Variants in MLIP observed in about 807,000 individuals in gnomAD.
MLIP encodes muscular LMNA interacting protein.
A neutral mutation model predicts 84.8 loss-of-function variants in MLIP; 79 were observed. The ratio of observed to expected loss-of-function variants is 0.93; its 90% CI spans 0.78 to 1.12. The LOEUF (loss-of-function observed/expected upper bound fraction) is 1.12, where lower values mean the gene tolerates loss of function less well. Ranked by LOEUF, MLIP falls within the 50% of genes most tolerant of loss-of-function variation. The pLI is 0.00. For missense variants in MLIP, 1,257 were observed against 1,160.6 expected (o/e 1.08, Z -1.21); for synonymous variants, 504 against 463.0 (o/e 1.09, Z -1.14).
chr6:54,088,842 GAATA>G (rs1216511836), intron 1 of MLIP, among the ~76,000 whole-genome samples: 3 of 152,226 alleles, frequency 2.0e-5, no homozygotes, highest in Middle Eastern at 6.8e-3. Flanking sequence ...GCATGATAAT[GAATA>G]AATAAATTAA....
rs545533167 is a variant in MLIP at position 54,032,201 on chromosome 6, T to A, written c.63+13110T>A. Among the ~76,000 whole-genome samples the A allele has an allele frequency of 2.4e-4, 36 of 152,166 alleles. 1 individual carries two copies. Among genetic ancestry groups the A allele is most frequent in the Middle Eastern group, 3.2e-3 (1 of 316 alleles). ...TGAGAGGTTATATTTACAATTCCCT[T>A]GTGAAAATTAAGTAATATAAAAATG... On this transcript the variant is annotated intron_variant, in intron 1 of 12. Coordinates refer to the MLIP transcript ENST00000274897.
chr6:54,078,387 C>T (rs1032399127), intron 1 of MLIP, among the ~76,000 whole-genome samples: 3 of 152,130 alleles, frequency 2.0e-5, no homozygotes, highest in Non-Finnish European at 2.9e-5. Context: ...AGCCCAAGAG[C>T]TCAAGACCAG....
Position 54,034,985 on chromosome 6 carries a change from G to A in MLIP, c.63+15894G>A, listed in dbSNP as rs115477299. 4.0e-3 allele frequency among the ~76,000 whole-genome samples: 608 copies of A among 152,124 alleles called. 3 individuals carry two copies. Among genetic ancestry groups the A allele is most frequent in the African/African-American group, 0.014 (581 of 41,514 alleles). ...TTTAGATACACAAATATATACCATT[G>A]TGTTACAGTTGCCTATAGTATTCAG... On this transcript the variant is annotated intron_variant, in intron 1 of 12. Coordinates refer to the MLIP transcript ENST00000274897.
At chr6:54,110,003 G>C (rs1188620719), upstream of MLIP, among the ~76,000 whole-genome samples, 1 of 27,658 alleles carries the variant, frequency 3.6e-5, no homozygotes, top group Non-Finnish European at 6.7e-5. Flanking sequence ...TTTTTTTTTT[G>C]ACGGAGTCTC....
chr6:54,208,539 T>C (rs1479292958), intron 11 of MLIP, among the ~76,000 whole-genome samples: 1 of 152,224 alleles, frequency 6.6e-6, no homozygotes, highest in African/African-American at 2.4e-5. Context: ...TGATCTATAA[T>C]TGTGCCATTT....
chr6:54,084,424 C>T (rs1767356712), intron 1 of MLIP, among the ~76,000 whole-genome samples: 1 of 152,122 alleles, frequency 6.6e-6, no homozygotes, highest in Non-Finnish European at 1.5e-5. Context: ...AACGTTCCTG[C>T]AACTTTTATT....
At chr6:54,119,126 T>A (rs1001065875) in intron 1 of MLIP, among the ~76,000 whole-genome samples, 1 of 152,230 alleles carries the variant, frequency 6.6e-6, no homozygotes, top group African/African-American at 2.4e-5. Flanking sequence ...GTGGAAACGG[T>A]ATGGAGGTTC....
chr6:54,173,553 C>T (rs1010916775), intron 9 of MLIP, among the ~76,000 whole-genome samples: 4 of 151,558 alleles, frequency 2.6e-5, no homozygotes, highest in African/African-American at 9.7e-5. Context: ...TTATTTCCTT[C>T]GTGTAAATAA....
chr6:54,077,932 C>A (rs1177633926), intron 1 of MLIP, among the ~76,000 whole-genome samples: 1 of 152,060 alleles, frequency 6.6e-6, no homozygotes, highest in African/African-American at 2.4e-5. Flanking sequence ...GCTTTACATG[C>A]CGGTCAAAAT....
intron 1 of MLIP, among the ~76,000 whole-genome samples, chr6:54,101,021 AAC>A (rs1768604803): frequency 6.6e-6 from 1 of 152,200 alleles, no homozygotes; most frequent in South Asian, 2.1e-4. Context: ...CATTCAAAAC[AAC>A]ACTTTGGTCT....
At chr6:54,061,225 G>A (rs188668871) in intron 1 of MLIP, among the ~76,000 whole-genome samples, 12 of 152,138 alleles carry the variant, frequency 7.9e-5, no homozygotes, top group African/African-American at 2.6e-4. Context: ...AACACAATTC[G>A]CTCAGGAAGG....
chr6:54,075,490 AAT>A (rs1402525759), intron 1 of MLIP, among the ~76,000 whole-genome samples: 11 of 152,312 alleles, frequency 7.2e-5, no homozygotes, highest in African/African-American at 2.4e-4. Flanking sequence ...ATAGGTTGCT[AAT>A]ATATGAGTCT....
chr6:54,022,239 G>C (rs867529372), intron 1 of MLIP, among the ~76,000 whole-genome samples: 3 of 152,256 alleles, frequency 2.0e-5, no homozygotes, highest in African/African-American at 4.8e-5. Flanking sequence ...TTGGAGACTC[G>C]TATCTGTATT....
chr6:54,028,080 A>G (rs1308657829), intron 1 of MLIP, among the ~76,000 whole-genome samples: 2 of 152,160 alleles, frequency 1.3e-5, no homozygotes, highest in African/African-American at 4.8e-5. Context: ...TTAGAGAATC[A>G]TTTGCTTTAT....
At position 54,202,428 on chromosome 6, in the gene MLIP, T is replaced by C. The variant is rs373594032; in HGVS notation, c.2718+195T>C. 2.8e-3 allele frequency among the ~76,000 whole-genome samples: 425 copies of C among 151,180 alleles called. 7 individuals are homozygous for C. The highest frequency in any genetic ancestry group is 0.022 in the South Asian group (104 of 4,808). On this transcript the variant is annotated intron_variant, in intron 11 of 13. Coordinates refer to ENST00000502396, the MANE Select transcript of MLIP (RefSeq NM_001281747.2). ...TGCTTGCATAATAAATAGAAGTTGC[T>C]AAATAATTCAAGAATAATATTTTGA... is the stretch of plus-strand genomic sequence containing the variant.
At chr6:54,253,352 A>T (rs2150881650) in intron 12 of MLIP, among the ~76,000 whole-genome samples, 1 of 152,242 alleles carries the variant, frequency 6.6e-6, no homozygotes, top group South Asian at 2.1e-4. Flanking sequence ...TGACAAGAGG[A>T]TGTGGTTGAA....
intron 11 of MLIP, among the ~76,000 whole-genome samples, chr6:54,208,154 G>T (rs891971872): frequency 6.6e-6 from 1 of 152,050 alleles, no homozygotes; most frequent in Non-Finnish European, 1.5e-5. Context: ...TGTTAAAATA[G>T]AATGTTTTAA....
intron 1 of MLIP, among the ~76,000 whole-genome samples, chr6:54,085,744 C>T (rs1767442886): frequency 1.3e-5 from 2 of 152,188 alleles, no homozygotes; most frequent in Admixed American, 1.3e-4. Context: ...AGCTGCCTAC[C>T]AGTGGCTGAC....
chr6:54,062,116 C>A (rs1765999038), intron 1 of MLIP, among the ~76,000 whole-genome samples: 1 of 152,206 alleles, frequency 6.6e-6, no homozygotes, highest in Non-Finnish European at 1.5e-5. Context: ...ACATTCTATT[C>A]CTTCACCATC....
Sources: allele counts gnomAD v4.1 joint callset (sites outside exome capture counted in the v4.1 genomes callset), GRCh38; gene constraint gnomAD v4.1.1; transcripts MANE v1.5; gene names NCBI Gene and HGNC (gene_info 2026-07-23, HGNC 2026-07-21).